The following ERAP1 variants were observed in gnomAD, a reference collection of about 807,000 sequenced individuals.
ERAP1 encodes adipocyte-derived leucine aminopeptidase.
In ERAP1, 86 loss-of-function variants were observed where a neutral mutation model predicts 103.7. That is an observed-to-expected ratio of 0.83 (90% CI 0.70 to 0.99). ERAP1 has a LOEUF of 0.99. ERAP1 is among the 50% of genes least tolerant of loss of function. The pLI is 0.00. For missense variants in ERAP1, 1,009 were observed against 1,128.4 expected, an observed-to-expected ratio of 0.89 and a Z score of 1.52; for synonymous variants, 398 against 402.4, an observed-to-expected ratio of 0.99 and a Z score of 0.13.
At chr5:96,829,656 A>G in the ERAP1 span, among the ~76,000 whole-genome samples, 1 of 152,280 alleles carries the variant, frequency 6.6e-6, no homozygotes, top group African/African-American at 2.4e-5. Flanking sequence ...CAATTACAAC[A>G]TGCGGTTTAG....
Position 96,782,583 on chromosome 5 carries a change from T to C in ERAP1, c.2285+468A>G, listed in dbSNP as rs566494903. Among the ~76,000 whole-genome samples, 6 of 152,282 alleles carry C rather than the reference T, an allele frequency of 3.9e-5. No individual in the cohort carries two copies. In the South Asian group the frequency reaches 1.2e-3, roughly 32 times the overall value. On this transcript the variant is annotated intron_variant, in intron 15 of 18. Transcript: ENST00000443439. The stretch of plus-strand genomic sequence containing the variant: ...GTAGGTTGTTGGCATAAATGTTTCC[T>C]GGGTGGGGTTTAAGCTCCAAATGTA...
chr5:96,863,291 C>T, the ERAP1 span, among the ~76,000 whole-genome samples: 7 of 152,148 alleles, frequency 4.6e-5, no homozygotes, highest in East Asian at 1.9e-4. Context: ...ACACCAGAAC[C>T]TCTACAGATT....
the ERAP1 span, among the ~76,000 whole-genome samples, chr5:96,922,315 A>C: frequency 1.3e-5 from 2 of 152,114 alleles, no homozygotes; most frequent in African/African-American, 4.8e-5. Context: ...CAAAACAAAA[A>C]CAAAAAAAAC....
At chr5:96,776,581 T>C (rs1177013935) in intron 18 of ERAP1, 30 bp from the exon 19 acceptor site, 3 of 1,609,678 alleles carry the variant, frequency 1.9e-6, no homozygotes, top group South Asian at 2.2e-5. Context: ...TTTTAAAAAA[T>C]TAATTTTATC....
chr5:96,892,744 T>A, the ERAP1 span, among the ~76,000 whole-genome samples: 1 of 152,158 alleles, frequency 6.6e-6, no homozygotes, highest in Non-Finnish European at 1.5e-5. Flanking sequence ...TACAGACACA[T>A]GAAGCACAGA....
intron 13 of ERAP1, among the ~76,000 whole-genome samples, chr5:96,784,355 C>T (rs1290913278): frequency 6.6e-6 from 1 of 151,968 alleles, no homozygotes; most frequent in Admixed American, 6.6e-5. Flanking sequence ...AATAGGCAGG[C>T]ATGGTGGCAG....
intron 8 of ERAP1, among the ~76,000 whole-genome samples, chr5:96,791,095 A>G (rs1776685035): frequency 6.6e-6 from 1 of 152,194 alleles, no homozygotes. Flanking sequence ...GGAAAAGTGG[A>G]TATGTCCAGG....
the ERAP1 span, among the ~76,000 whole-genome samples, chr5:96,831,240 C>CAGATG: frequency 6.6e-6 from 1 of 152,016 alleles, no homozygotes; most frequent in East Asian, 1.9e-4. Context: ...TTTAAACAAC[C>CAGATG]AGATCTCACA....
Position 96,792,096 on chromosome 5 carries a change from T to C in ERAP1, c.1285A>G (p.Ile429Val), listed in dbSNP as rs146386179. 9.2e-5 allele frequency: 149 copies of C among 1,613,994 alleles called. No individual in the cohort carries two copies. The highest frequency in any genetic ancestry group is 6.6e-4 in the Middle Eastern group (4 of 6,084). The change falls in exon 8 of 19, where the codon ATC (isoleucine) becomes GTC (valine). Residue 429 changes from isoleucine to valine, a missense_variant. Coordinates refer to ENST00000443439, the MANE Select transcript of ERAP1 (RefSeq NM_001040458.3). ...VSTPVENPAQIREMFDDVSYD... is the reference protein window; with the variant it reads ...VSTPVENPAQVREMFDDVSYD... ...GAAACATCATCAAACATCTCCCGGA[T>C]CTGAGCAGGATTTTCCACAGGTGTA...
intron 12 of ERAP1, 25 bp downstream of exon 12, chr5:96,786,445 A>T: frequency 6.8e-7 from 1 of 1,461,614 alleles, no homozygotes; most frequent in Non-Finnish European, 9.6e-7. Flanking sequence ...CCTTGAATTA[A>T]CTAGTAGTTT....
upstream of ERAP1, among the ~76,000 whole-genome samples, chr5:96,812,632 G>C (rs1779217809): frequency 6.6e-6 from 1 of 152,202 alleles, no homozygotes; most frequent in Admixed American, 6.5e-5. Flanking sequence ...AATATCTGTT[G>C]CAATAACTAA....
intron 1 of ERAP1, 108 bp from the exon 2 acceptor site, chr5:96,804,051 T>G (rs1778287392): frequency 8.1e-7 from 1 of 1,234,366 alleles, no homozygotes; most frequent in South Asian, 1.3e-5. Context: ...AGGCATAAAC[T>G]TCCAAAAGTA....
exon 20 of ERAP1, chr5:96,762,336 A>C: frequency 6.2e-7 from 1 of 1,607,398 alleles, no homozygotes. Context: ...CCCCAGCTTC[A>C]ACGACCCAAG....
In ERAP1 at chr5:96,792,120, T is replaced by TA. The variant is rs1442522240; in HGVS notation, c.1260dup (p.Thr421TyrfsTer14). ...ATCTGAGCAGGATTTTCCACAGGTG[T>TA]AGACACAGGGTGTGAGGAATTTAAA... On this transcript the variant is annotated frameshift_variant, in exon 8 of 19. Transcript: ENST00000443439. LOFTEE classifies it high-confidence loss of function. 1.2e-6 allele frequency: 2 copies of TA among 1,613,950 alleles called. No homozygotes were observed. Among genetic ancestry groups the TA allele is most frequent in the Admixed American group, 3.3e-5 (2 of 60,012 alleles).
At chr5:96,917,539 CA>C in the ERAP1 span, 3 of 1,611,760 alleles carry the variant, frequency 1.9e-6, no homozygotes, top group Non-Finnish European at 2.5e-6. Context: ...AAACGATAAC[CA>C]AAAATATAAA....
the ERAP1 span, among the ~76,000 whole-genome samples, chr5:96,820,424 T>A: frequency 1.3e-5 from 2 of 152,244 alleles, no homozygotes; most frequent in Non-Finnish European, 2.9e-5. Flanking sequence ...ATACTTCTAA[T>A]TGCTGATCTG....
intron 1 of ERAP1, chr5:96,805,924 T>A (rs2151010004): frequency 6.6e-6 from 1 of 152,402 alleles, no homozygotes; most frequent in South Asian, 2.1e-4. Flanking sequence ...GAAAGGCTGA[T>A]GTGCTGCGGA....
intron 1 of ERAP1, chr5:96,806,037 T>C (rs1038904232): frequency 6.6e-6 from 1 of 152,116 alleles, no homozygotes; most frequent in Non-Finnish European, 1.5e-5. Context: ...AGTGCATGAG[T>C]GGGGCTTGGT....
chr5:96,805,641 G>C (rs1262021222), intron 1 of ERAP1: 1 of 152,246 alleles, frequency 6.6e-6, no homozygotes, highest in Non-Finnish European at 1.5e-5. Flanking sequence ...AGTTCAAAAG[G>C]CACCACCCAG....
Sources: allele counts gnomAD v4.1 joint callset (sites outside exome capture counted in the v4.1 genomes callset), GRCh38; gene constraint gnomAD v4.1.1; transcripts MANE v1.5; gene names NCBI Gene and HGNC (gene_info 2026-07-23, HGNC 2026-07-21).